Variants in CYP7B1 observed in about 807,000 individuals in gnomAD.
CYP7B1 encodes cytochrome P450 family 7 subfamily B member 1.
CYP7B1 carries 29 observed loss-of-function variants against 42.7 expected under a neutral mutation model. The ratio of observed to expected loss-of-function variants is 0.68; its 90% CI spans 0.51 to 0.93. The LOEUF (loss-of-function observed/expected upper bound fraction) is 0.93, where lower values mean the gene tolerates loss of function less well. CYP7B1 is among the 40% of genes least tolerant of loss of function. CYP7B1 has a pLI of 0.00. For synonymous variants in CYP7B1, 235 were observed against 218.2 expected (o/e 1.08, Z -0.68); for missense variants, 655 against 600.5 (o/e 1.09, Z -0.95).
At chr8:64,770,682 T>C (rs981790231) in intron 1 of CYP7B1, among the ~76,000 whole-genome samples, 1 of 152,196 alleles carries the variant, frequency 6.6e-6, no homozygotes, top group African/African-American at 2.4e-5. Context: ...AGCCATTCCT[T>C]GGTGCTCAAG....
intron 1 of CYP7B1, among the ~76,000 whole-genome samples, chr8:64,774,452 G>A (rs1357593176): frequency 6.6e-6 from 1 of 152,134 alleles, no homozygotes; most frequent in East Asian, 1.9e-4. Flanking sequence ...TGTTGGAAAA[G>A]TCATGTCAAT....
chr8:64,626,394 A>G (rs992405080), intron 1 of CYP7B1, among the ~76,000 whole-genome samples: 2 of 152,204 alleles, frequency 1.3e-5, no homozygotes, highest in South Asian at 2.1e-4. Context: ...TTGTTATCAG[A>G]TGTCAATTAG....
intron 1 of CYP7B1, among the ~76,000 whole-genome samples, chr8:64,625,895 T>C (rs538578957): frequency 1.7e-4 from 26 of 152,216 alleles, no homozygotes; most frequent in African/African-American, 5.8e-4. Context: ...TATATTCTTA[T>C]ATAATAAAGG....
intron 1 of CYP7B1, among the ~76,000 whole-genome samples, chr8:64,756,906 C>T (rs1255649218): frequency 6.6e-6 from 1 of 152,174 alleles, no homozygotes; most frequent in Non-Finnish European, 1.5e-5. Context: ...TTTGTGCTTA[C>T]CCAGACGGTT....
intron 1 of CYP7B1, among the ~76,000 whole-genome samples, chr8:64,735,623 C>T (rs930268465): frequency 2.6e-5 from 4 of 152,000 alleles, no homozygotes; most frequent in African/African-American, 4.8e-5. Flanking sequence ...GTTAATAAGC[C>T]TCTATTTGTT....
intron 1 of CYP7B1, among the ~76,000 whole-genome samples, chr8:64,786,568 C>T (rs561618153): frequency 3.9e-5 from 6 of 152,258 alleles, no homozygotes; most frequent in African/African-American, 1.4e-4. Flanking sequence ...ACTCCTGTGG[C>T]TTTGCAGGGT....
intron 5 of CYP7B1, among the ~76,000 whole-genome samples, chr8:64,598,752 TACTCAACGAGCAAC>T (rs1563537614): frequency 6.6e-6 from 1 of 152,208 alleles, no homozygotes; most frequent in Non-Finnish European, 1.5e-5. Context: ...CTCAAATTTC[TACTCAACGAGCAAC>T]ACCATCCCTC....
intron 5 of CYP7B1, among the ~76,000 whole-genome samples, chr8:64,598,274 T>C (rs1219249210): frequency 6.6e-6 from 1 of 152,180 alleles, no homozygotes; most frequent in Non-Finnish European, 1.5e-5. Context: ...CAAACGGTAT[T>C]TAATCAATGC....
intron 1 of CYP7B1, among the ~76,000 whole-genome samples, chr8:64,793,854 T>C (rs979470208): frequency 1.8e-4 from 28 of 152,068 alleles, no homozygotes; most frequent in Admixed American, 1.6e-3. Context: ...CATAGAAATA[T>C]GTCACCTAGA....
downstream of CYP7B1, chr8:64,589,847 G>C (rs1805011868): frequency 6.6e-6 from 1 of 152,150 alleles, no homozygotes; most frequent in Non-Finnish European, 1.5e-5. Context: ...ACAGTTTGCT[G>C]TAAGGGAAGT....
intron 1 of CYP7B1, among the ~76,000 whole-genome samples, chr8:64,706,577 G>A (rs1012007435): frequency 2.6e-5 from 4 of 151,940 alleles, no homozygotes; most frequent in Admixed American, 6.6e-5. Flanking sequence ...GGTTGCATCA[G>A]GAAAATAGAA....
At chr8:64,707,028 T>A (rs540757649) in intron 1 of CYP7B1, among the ~76,000 whole-genome samples, 62 of 152,196 alleles carry the variant, frequency 4.1e-4, no homozygotes, top group Non-Finnish European at 6.9e-4. Context: ...CCTTGAATGA[T>A]TCAGCTTTAA....
intron 1 of CYP7B1, among the ~76,000 whole-genome samples, chr8:64,672,817 T>G (rs1381583301): frequency 6.6e-6 from 1 of 152,138 alleles, no homozygotes; most frequent in Non-Finnish European, 1.5e-5. Flanking sequence ...ATGTTAATAG[T>G]TAAGACCAAA....
chr8:64,736,789 T>C (rs942420599), intron 1 of CYP7B1, among the ~76,000 whole-genome samples: 3 of 152,104 alleles, frequency 2.0e-5, no homozygotes, highest in African/African-American at 7.2e-5. Flanking sequence ...AAAATTTTAT[T>C]TTCTTGCTCT....
chr8:64,669,270 A>G (rs561513984), intron 1 of CYP7B1, among the ~76,000 whole-genome samples: 1 of 152,164 alleles, frequency 6.6e-6, no homozygotes, highest in Non-Finnish European at 1.5e-5. Context: ...AATTAAGTAT[A>G]TCGTACTGAT....
At chr8:64,645,901 A>G (rs1439376337) in intron 1 of CYP7B1, among the ~76,000 whole-genome samples, 2 of 152,216 alleles carry the variant, frequency 1.3e-5, no homozygotes, top group African/African-American at 4.8e-5. Context: ...CTGCATATCT[A>G]CAACTATCTG....
At chr8:64,645,407 T>A (rs1464605471) in intron 1 of CYP7B1, among the ~76,000 whole-genome samples, 1 of 152,036 alleles carries the variant, frequency 6.6e-6, no homozygotes, top group East Asian at 1.9e-4. Flanking sequence ...TTTCTCCACA[T>A]CCTCTCCAGC....
intron 1 of CYP7B1, among the ~76,000 whole-genome samples, chr8:64,651,527 C>T (rs1177350973): frequency 1.3e-5 from 2 of 152,216 alleles, no homozygotes. Flanking sequence ...TGTATCTTGG[C>T]TCCTGCTATG....
At chr8:64,598,686 G>A (rs1315667331) in intron 5 of CYP7B1, among the ~76,000 whole-genome samples, 1 of 152,282 alleles carries the variant, frequency 6.6e-6, no homozygotes, top group African/African-American at 2.4e-5. Flanking sequence ...CGGCAAACAC[G>A]TGATGCAGGA....
Sources: gnomAD v4.1 joint callset for allele counts (sites outside exome capture counted in the v4.1 genomes callset) on GRCh38, gnomAD v4.1.1 for gene constraint, MANE v1.5 for transcripts, NCBI Gene and HGNC (gene_info 2026-07-23, HGNC 2026-07-21) for gene names.